The following C11orf65 variants were observed in gnomAD, a reference collection of about 807,000 sequenced individuals.
C11orf65 encodes chromosome 11 open reading frame 65, also known as protein MFI.
C11orf65 carries 38 observed loss-of-function variants against 35.3 expected under a neutral mutation model. That is an observed-to-expected ratio of 1.08 (90% CI 0.83 to 1.41). C11orf65 has a LOEUF of 1.41. Ranked by LOEUF, C11orf65 falls within the 40% of genes most tolerant of loss-of-function variation. The probability of loss-of-function intolerance (pLI) is 0.00; values close to 1 mark genes in which losing one functional copy is unlikely to be tolerated. For synonymous variants in C11orf65, 105 were observed against 114.4 expected (o/e 0.92, Z 0.53); for missense variants, 370 against 367.1 (o/e 1.01, Z -0.06).
intron 2 of C11orf65, among the ~76,000 whole-genome samples, chr11:108,460,358 T>C (rs752300671): frequency 4.6e-5 from 7 of 152,178 alleles, no homozygotes; most frequent in East Asian, 1.9e-4. Context: ...TTTTACCTCT[T>C]GGCTCTCACC....
intron 6 of C11orf65, among the ~76,000 whole-genome samples, chr11:108,324,646 A>G (rs921381833): frequency 6.6e-6 from 1 of 152,128 alleles, no homozygotes; most frequent in East Asian, 1.9e-4. Flanking sequence ...TTCATTTCTT[A>G]GTCATCACTT....
At chr11:108,370,466 C>CA (rs1565616625) in intron 2 of C11orf65, among the ~76,000 whole-genome samples, 1 of 143,026 alleles carries the variant, frequency 7.0e-6, no homozygotes, top group Non-Finnish European at 1.5e-5. Context: ...ATACTGTTTG[C>CA]TTTTTTTTTT....
At chr11:108,378,922 T>C (rs1261828), downstream of C11orf65, among the ~76,000 whole-genome samples, 18 of 151,762 alleles carry the variant, frequency 1.2e-4, 1 homozygote, top group East Asian at 2.7e-3. Flanking sequence ...TCAAAACCAC[T>C]ATGAGATACA....
Position 108,320,026 on chromosome 11 carries a change from C to A in C11orf65, c.641-10955G>T, listed in dbSNP as rs587780635. 5 of 1,609,752 alleles carry A rather than the reference C, an allele frequency of 3.1e-6. No homozygotes were observed. In the Admixed American group the frequency reaches 8.3e-5, roughly 27 times the overall value. ...TACAATCTCTAAGAGACAGAGAATT[C>A]TCTACATTTTATGAAAGTCTCAAAT... On this transcript the variant is annotated intron_variant, in intron 6 of 6. Coordinates refer to the C11orf65 transcript ENST00000525729.
chr11:108,438,482 C>T (rs376623574), intron 2 of C11orf65, among the ~76,000 whole-genome samples: 2 of 151,268 alleles, frequency 1.3e-5, no homozygotes, highest in South Asian at 4.2e-4. Context: ...ACCTGGGAGG[C>T]GGAGTTGGCA....
intron 6 of C11orf65, chr11:108,317,565 A>C (rs769089413): frequency 6.5e-7 from 1 of 1,532,368 alleles, no homozygotes; most frequent in Non-Finnish European, 8.8e-7. Flanking sequence ...CTCTCTCCTC[A>C]TTCTAAACAA....
chr11:108,352,084 G>C (rs967816018), intron 2 of C11orf65, among the ~76,000 whole-genome samples: 13 of 152,254 alleles, frequency 8.5e-5, no homozygotes, highest in African/African-American at 2.2e-4. Flanking sequence ...CCTGAGTCTC[G>C]TAATAACTAA....
At chr11:108,400,815 G>T (rs2138556583) in intron 6 of C11orf65, among the ~76,000 whole-genome samples, 1 of 152,214 alleles carries the variant, frequency 6.6e-6, no homozygotes, top group South Asian at 2.1e-4. Flanking sequence ...CAAGAAATAT[G>T]CTGCTCCTGG....
downstream of C11orf65, among the ~76,000 whole-genome samples, chr11:108,378,385 A>G (rs2091783635): frequency 7.0e-6 from 1 of 142,244 alleles, no homozygotes; most frequent in Non-Finnish European, 1.5e-5. Context: ...TGGGGAAAGG[A>G]TTCCCTATTT....
Position 108,431,751 on chromosome 11 carries a change from T to C in C11orf65, c.169A>G (p.Lys57Glu), listed in dbSNP as rs2092993412. 2.7e-6 allele frequency: 4 copies of C among 1,458,518 alleles called. No individual in the cohort carries two copies. The highest frequency in any genetic ancestry group is 2.8e-5 in the African/African-American group (2 of 71,850). The allele number at this position is 1,458,518 out of a possible 1,614,324, so 90.3% of individuals were successfully genotyped here. A position where few individuals can be genotyped will look rare whatever the true frequency, so the allele number is the denominator to read the frequency against. Residue 57 changes from lysine to glutamate, a missense_variant, in exon 3 of 9, where the codon AAA becomes GAA. Coordinates refer to ENST00000393084, the MANE Select transcript of C11orf65 (RefSeq NM_152587.5). ...TCAATAAGTAATGTCCTTACCTCTT[T>C]GGGATTAATATATTTCACTATCTGA... is the stretch of plus-strand genomic sequence containing the variant. ...PRQIVKYINP[K>E]EAELLDAAAG... is the part of the protein sequence containing the mutation.
intron 7 of C11orf65, among the ~76,000 whole-genome samples, chr11:108,386,501 A>G (rs1227337617): frequency 2.0e-5 from 3 of 152,212 alleles, no homozygotes; most frequent in Non-Finnish European, 2.9e-5. Flanking sequence ...ACATTTAGGT[A>G]TGGCAAATGC....
At chr11:108,422,374 T>C (rs114636264) in intron 3 of C11orf65, among the ~76,000 whole-genome samples, 59 of 152,312 alleles carry the variant, frequency 3.9e-4, no homozygotes, top group African/African-American at 1.4e-3. Flanking sequence ...TGAAAAAGAA[T>C]TGTAAGATTG....
intron 2 of C11orf65, chr11:108,355,277 C>A (rs1171577459): frequency 1.3e-5 from 3 of 233,098 alleles, no homozygotes; most frequent in Admixed American, 5.2e-5. Context: ...ATCAAATTGT[C>A]AGCATCATTA....
rs2091491604 is a variant in C11orf65, at chr11:108,369,643, G to GA, written c.226+23564dup. On this transcript the variant is annotated intron_variant, in intron 2 of 3. Transcript: ENST00000524755. ...GATCTCATAATAGACATTATCCTCT[G>GA]AAAAATCCCTTTGCCATTAAAAGTA... Among the ~76,000 whole-genome samples, 3 of 152,226 alleles carry GA rather than the reference G, an allele frequency of 2.0e-5. No individual in the cohort carries two copies. The South Asian group carries it at 6.2e-4, about 32-fold the overall frequency.
intron 2 of C11orf65, among the ~76,000 whole-genome samples, chr11:108,358,370 T>C (rs948542302): frequency 6.8e-6 from 1 of 146,212 alleles, no homozygotes; most frequent in African/African-American, 2.6e-5. Context: ...GAAAACACTC[T>C]GCAGGATATT....
chr11:108,420,364 GAA>G (rs2092798051), intron 3 of C11orf65, among the ~76,000 whole-genome samples: 1 of 152,192 alleles, frequency 6.6e-6, no homozygotes, highest in African/African-American at 2.4e-5. Context: ...CTGGGCAGAA[GAA>G]GAGTTGGAAC....
intron 3 of C11orf65, among the ~76,000 whole-genome samples, chr11:108,427,189 G>A (rs965470322): frequency 6.6e-6 from 1 of 152,050 alleles, no homozygotes; most frequent in East Asian, 1.9e-4. Context: ...AGTGACAAAT[G>A]GGATCTAATT....
chr11:108,465,692 T>TTA (rs568467713), intron 1 of C11orf65, among the ~76,000 whole-genome samples: 1 of 149,308 alleles, frequency 6.7e-6, no homozygotes, highest in Admixed American at 6.7e-5. Flanking sequence ...GGTTTTTTTT[T>TTA]AAAAAAAAAA....
At chr11:108,432,949 C>T (rs1447685261) in intron 2 of C11orf65, among the ~76,000 whole-genome samples, 1 of 152,120 alleles carries the variant, frequency 6.6e-6, no homozygotes, top group African/African-American at 2.4e-5. Context: ...TTTCTCTCTT[C>T]CTGTGGGTTG....
Sources: allele counts gnomAD v4.1 joint callset (sites outside exome capture counted in the v4.1 genomes callset), GRCh38; gene constraint gnomAD v4.1.1; transcripts MANE v1.5; gene names NCBI Gene and HGNC (gene_info 2026-07-23, HGNC 2026-07-21).